Variants in EFCAB13 observed in about 807,000 individuals in gnomAD.
EFCAB13 encodes EF-hand calcium binding domain 13, also known as EF-hand calcium-binding domain-containing protein 13.
EFCAB13 carries 91 observed loss-of-function variants against 110.2 expected under a neutral mutation model. The observed-to-expected ratio is 0.83, with a 90% CI of 0.70 to 0.98. The LOEUF is 0.98. Among genes scored for constraint, EFCAB13 ranks in the 50% least tolerant of loss-of-function variants. The probability of loss-of-function intolerance (pLI) is 0.00; values close to 1 mark genes in which losing one functional copy is unlikely to be tolerated. For missense variants in EFCAB13, 968 were observed against 1,119.4 expected, an observed-to-expected ratio of 0.86 and a Z score of 1.93; for synonymous variants, 323 against 369.9, an observed-to-expected ratio of 0.87 and a Z score of 1.45.
At chr17:47,384,615 G>C (rs1425103805) in intron 14 of EFCAB13, among the ~76,000 whole-genome samples, 1 of 152,094 alleles carries the variant, frequency 6.6e-6, no homozygotes, top group Non-Finnish European at 1.5e-5. Flanking sequence ...AGTTTGGCTG[G>C]ATATGAAATT....
chr17:47,397,156 C>T (rs888180827), intron 17 of EFCAB13, among the ~76,000 whole-genome samples: 22 of 151,788 alleles, frequency 1.4e-4, no homozygotes, highest in Non-Finnish European at 1.3e-4. Flanking sequence ...CAATTGCAGG[C>T]GCGCGCCGCC....
rs1598769007 is a variant in EFCAB13 at position 47,431,473 on chromosome 17, G to A, written c.2638+1512G>A. ...TACATCCTACAAGTTTTGATATATA[G>A]TATTTTAATTATTGTTCAGGTCAAA... On this transcript the variant is annotated intron_variant, in intron 24 of 24. Transcript: ENST00000331493. This position sits in a 1 kb window ranked among gnomAD's most constrained non-coding sequence, Gnocchi z 4.1. Among the ~76,000 whole-genome samples the A allele has an allele frequency of 2.0e-5, 3 of 151,424 alleles. No individual in the cohort carries two copies. The highest frequency in any genetic ancestry group is 2.0e-4 in the Admixed American group (3 of 15,218).
chr17:47,349,759 C>CTTTTTTTT (rs1162133822), intron 9 of EFCAB13, among the ~76,000 whole-genome samples: 1 of 76,142 alleles, frequency 1.3e-5, no homozygotes, highest in Non-Finnish European at 2.5e-5. Flanking sequence ...GCTGATGTTT[C>CTTTTTTTT]TTTTTTTTTT....
chr17:47,406,516 C>G (rs1324220139), intron 20 of EFCAB13, among the ~76,000 whole-genome samples: 2 of 151,996 alleles, frequency 1.3e-5, no homozygotes, highest in Non-Finnish European at 2.9e-5. Flanking sequence ...TTGATAGTTC[C>G]CTAGTTCATT....
At chr17:47,356,104 C>CT (rs201962076) in intron 9 of EFCAB13, among the ~76,000 whole-genome samples, 67 of 145,638 alleles carry the variant, frequency 4.6e-4, no homozygotes, top group Middle Eastern at 3.5e-3. Context: ...TATCCTGTAT[C>CT]TTTTTTTTTT....
intron 4 of EFCAB13, among the ~76,000 whole-genome samples, chr17:47,333,915 A>C (rs968724989): frequency 1.3e-5 from 2 of 152,298 alleles, no homozygotes; most frequent in East Asian, 3.9e-4. Flanking sequence ...TGCTTTGGCT[A>C]TATGGGGTGT....
chr17:47,414,263 G>A (rs1365434471), intron 22 of EFCAB13, among the ~76,000 whole-genome samples: 1 of 152,094 alleles, frequency 6.6e-6, no homozygotes, highest in African/African-American at 2.4e-5. Flanking sequence ...ACGTGCGTGT[G>A]TGTGTGTGTA....
At chr17:47,373,373 T>C (rs1201681610) in intron 11 of EFCAB13, among the ~76,000 whole-genome samples, 1 of 152,228 alleles carries the variant, frequency 6.6e-6, no homozygotes, top group East Asian at 1.9e-4. Flanking sequence ...ATTAATTTTA[T>C]TCCCTGAACT....
chr17:47,325,364 C>G (rs1478732952), intron 2 of EFCAB13, among the ~76,000 whole-genome samples: 1 of 152,072 alleles, frequency 6.6e-6, no homozygotes, highest in African/African-American at 2.4e-5. Flanking sequence ...ACTTGGCATT[C>G]AGGAACCCAG....
intron 20 of EFCAB13, among the ~76,000 whole-genome samples, chr17:47,408,663 T>C (rs770056552): frequency 1.1e-4 from 16 of 151,930 alleles, no homozygotes; most frequent in Non-Finnish European, 2.1e-4. Flanking sequence ...AGTAAATAAA[T>C]AAATACAAAA....
At position 47,377,785 on chromosome 17, in the gene EFCAB13, C is replaced by A. The variant is rs202011177; in HGVS notation, c.1392C>A (p.Ile464=). The change falls in exon 13 of 25, where the codon ATC becomes ATA. Residue 464 remains isoleucine (I), a synonymous_variant. Transcript: ENST00000331493. The stretch of plus-strand genomic sequence containing the variant: ...ATTTAGAAAACTTCTGTGAAGCTAT[C>A]AGTAAACTTCAAGAAAATTACATTG... ...ISTLENFCEA[I]SKLQENYIAA... is the part of the protein sequence containing the mutation. 7.6e-6 allele frequency: 12 copies of A among 1,584,610 alleles called. No individual in the cohort carries two copies. The African/African-American group carries it at 8.2e-5, about 11-fold the overall frequency.
intron 9 of EFCAB13, among the ~76,000 whole-genome samples, chr17:47,359,699 T>C (rs1421098441): frequency 6.6e-6 from 1 of 151,032 alleles, no homozygotes; most frequent in Non-Finnish European, 1.5e-5. Context: ...TATGTATACA[T>C]GTGCCATGCT....
intron 10 of EFCAB13, among the ~76,000 whole-genome samples, chr17:47,365,247 A>G (rs1270526237): frequency 1.3e-5 from 2 of 152,196 alleles, no homozygotes; most frequent in Admixed American, 6.5e-5. Context: ...CGCTCAACAA[A>G]TATTTGTTGA....
chr17:47,339,505 C>T (rs2065371280), intron 5 of EFCAB13, among the ~76,000 whole-genome samples: 1 of 152,042 alleles, frequency 6.6e-6, no homozygotes, highest in Admixed American at 6.6e-5. Flanking sequence ...TCTAATGCCG[C>T]TGCTGATCTG....
At position 47,388,468 on chromosome 17, in the gene EFCAB13, T is replaced by C. The variant is rs529545737; in HGVS notation, c.1583-2969T>C. ...TACTGGTGTTAATCTTGGCACTGGA[T>C]ATTTGTTTTTGGTTTTCAGTAGGGG... On this transcript the variant is annotated intron_variant, in intron 14 of 24. Transcript: ENST00000331493. Among the ~76,000 whole-genome samples, 378 of 152,284 alleles carry C rather than the reference T, an allele frequency of 2.5e-3. 4 individuals carry two copies. The highest frequency in any genetic ancestry group is 8.9e-3 in the African/African-American group (369 of 41,560).
At chr17:47,328,135 A>G in intron 3 of EFCAB13, 134 bp from the exon 4 acceptor site, 1 of 528,930 alleles carries the variant, frequency 1.9e-6, no homozygotes, top group Non-Finnish European at 3.4e-6. Flanking sequence ...TTGCCCACAT[A>G]TCTGTGTTGG....
intron 14 of EFCAB13, among the ~76,000 whole-genome samples, chr17:47,390,347 TTC>T (rs954177998): frequency 2.9e-5 from 4 of 138,082 alleles, no homozygotes; most frequent in East Asian, 2.7e-4. Flanking sequence ...CACACACACT[TTC>T]TCTCTCTCTC....
At chr17:47,343,108 T>C (rs1441947381) in intron 6 of EFCAB13, among the ~76,000 whole-genome samples, 1 of 152,198 alleles carries the variant, frequency 6.6e-6, no homozygotes, top group East Asian at 1.9e-4. Flanking sequence ...TTCTCACTCA[T>C]GTTAACTTGT....
At chr17:47,355,618 G>A in intron 9 of EFCAB13, among the ~76,000 whole-genome samples, 1 of 148,754 alleles carries the variant, frequency 6.7e-6, no homozygotes, top group East Asian at 2.0e-4. Context: ...CTGTCACCAG[G>A]CTGGAGTGCA....
Sources: gnomAD v4.1 joint callset for allele counts (sites outside exome capture counted in the v4.1 genomes callset) on GRCh38, gnomAD v4.1.1 for gene constraint, Gnocchi (gnomAD v3.1) non-coding constraint, MANE v1.5 for transcripts, NCBI Gene and HGNC (gene_info 2026-07-23, HGNC 2026-07-21) for gene names.